GPC3: variants seen among roughly 807,000 people sequenced by gnomAD.
GPC3 encodes the protein glypican-3.
Under a neutral mutation model 34.4 loss-of-function variants are expected in GPC3, and 3 were observed. The ratio of observed to expected loss-of-function variants is 0.09; its 90% CI spans 0.04 to 0.23. The LOEUF is 0.23. Among genes scored for constraint, GPC3 ranks in the 10% least tolerant of loss-of-function variants. The pLI, the probability that GPC3 is intolerant of heterozygous loss-of-function variation, is 1.00. For missense variants in GPC3, 351 were observed against 445.6 expected, an observed-to-expected ratio of 0.79 and a Z score of 1.91; for synonymous variants, 177 against 174.0, an observed-to-expected ratio of 1.02 and a Z score of -0.13.
intron 5 of GPC3, chrX:133,671,376 C>G (rs997991449): frequency 7.2e-6 from 4 of 556,911 alleles, no homozygotes; most frequent in Non-Finnish European, 1.3e-5. Context: ...GGCAAAAAGT[C>G]GAAGAAGTAA....
Position 133,570,565 on chromosome X carries a change from G to A in GPC3, c.1573+25875C>T, listed in dbSNP as rs151035161. On this transcript the variant is annotated intron_variant, in intron 7 of 7. Coordinates refer to ENST00000370818, the MANE Select transcript of GPC3 (RefSeq NM_004484.4). ...AGATGAAATGGGCACATCTGTGGAC[G>A]ACTCATTCTAAGTTGAACAAAATAA... Among the ~76,000 whole-genome samples, 1,009 of 112,372 alleles carry A rather than the reference G, an allele frequency of 9.0e-3. 15 individuals are homozygous for A. The highest frequency in any genetic ancestry group is 0.029 in the African/African-American group (913 of 30,957).
chrX:133,918,321 T>A (rs1277121442), intron 2 of GPC3, among the ~76,000 whole-genome samples: 1 of 112,283 alleles, frequency 8.9e-6, no homozygotes, highest in East Asian at 2.8e-4. Context: ...TGGTAAAAAG[T>A]CATACGTGAC....
chrX:133,746,729 A>T (rs1257062758), intron 3 of GPC3, among the ~76,000 whole-genome samples: 2 of 112,456 alleles, frequency 1.8e-5, no homozygotes, highest in Non-Finnish European at 3.8e-5. Flanking sequence ...CTAATTAGGT[A>T]GTGAGCCATT....
chrX:133,804,168 T>C (rs938884736), intron 2 of GPC3, among the ~76,000 whole-genome samples: 2 of 111,693 alleles, frequency 1.8e-5, no homozygotes, highest in Non-Finnish European at 3.8e-5. Flanking sequence ...TACCCTCTTT[T>C]GAAAGAACAG....
chrX:133,615,210 C>G (rs2070148571), intron 6 of GPC3, among the ~76,000 whole-genome samples: 1 of 111,275 alleles, frequency 9.0e-6, no homozygotes, highest in Non-Finnish European at 1.9e-5. Flanking sequence ...CAGTGCTACC[C>G]TAACACTAAA....
At chrX:133,779,765 C>T (rs1468484926) in intron 2 of GPC3, among the ~76,000 whole-genome samples, 1 of 110,105 alleles carries the variant, frequency 9.1e-6, no homozygotes, top group African/African-American at 3.3e-5. Flanking sequence ...GAAGGTGGGT[C>T]ATATCCATCA....
intron 2 of GPC3, among the ~76,000 whole-genome samples, chrX:133,814,629 G>A (rs1452852075): frequency 2.7e-5 from 3 of 110,718 alleles, no homozygotes; most frequent in African/African-American, 9.9e-5. Context: ...GTGCAATGGC[G>A]TGATCTCGGC....
At chrX:133,591,782 G>A (rs1373413578) in intron 7 of GPC3, among the ~76,000 whole-genome samples, 1 of 111,699 alleles carries the variant, frequency 9.0e-6, no homozygotes, top group Non-Finnish European at 1.9e-5. Context: ...GCAGTGCCTT[G>A]AAATGGATAA....
intron 2 of GPC3, among the ~76,000 whole-genome samples, chrX:133,947,260 A>T: frequency 9.0e-6 from 1 of 111,279 alleles, no homozygotes; most frequent in Non-Finnish European, 1.9e-5. Context: ...TGATGATGAC[A>T]GCAAGAGGAG....
At chrX:133,540,978 T>C (rs928374375) in intron 7 of GPC3, among the ~76,000 whole-genome samples, 1 of 80,806 alleles carries the variant, frequency 1.2e-5, no homozygotes, top group African/African-American at 4.7e-5. Context: ...GGGGAAGAGG[T>C]GGTGGGAGAT....
chrX:133,800,554 CTGTT>C (rs2075604280), intron 2 of GPC3, among the ~76,000 whole-genome samples: 1 of 111,966 alleles, frequency 8.9e-6, no homozygotes, highest in Admixed American at 9.5e-5. Context: ...TCAATCTAGT[CTGTT>C]TGGGCTCATT....
At chrX:133,974,699 C>T (rs755833766) in intron 1 of GPC3, among the ~76,000 whole-genome samples, 1 of 111,050 alleles carries the variant, frequency 9.0e-6, no homozygotes, top group Non-Finnish European at 1.9e-5. Flanking sequence ...CTGATGAGTC[C>T]CAACTATGTG....
intron 2 of GPC3, among the ~76,000 whole-genome samples, chrX:133,881,893 T>G (rs752993702): frequency 8.9e-6 from 1 of 112,423 alleles, no homozygotes; most frequent in African/African-American, 3.2e-5. Flanking sequence ...GATCTGCTGG[T>G]TTTCAATATA....
chrX:133,907,574 A>G (rs1479181456), intron 2 of GPC3, among the ~76,000 whole-genome samples: 4 of 112,176 alleles, frequency 3.6e-5, no homozygotes, highest in Admixed American at 1.9e-4. Context: ...ACACAGTTAT[A>G]TCATACTATA....
intron 2 of GPC3, among the ~76,000 whole-genome samples, chrX:133,782,481 A>T (rs763482552): frequency 9.0e-6 from 1 of 111,639 alleles, no homozygotes; most frequent in Non-Finnish European, 1.9e-5. Context: ...TAACTCAAAG[A>T]AGCACTCACC....
chrX:133,924,545 C>T (rs1213725793), intron 2 of GPC3, among the ~76,000 whole-genome samples: 2 of 111,753 alleles, frequency 1.8e-5, no homozygotes, highest in Admixed American at 9.5e-5. Context: ...ATCAATCTGA[C>T]TTGAAATCGC....
chrX:133,810,672 G>A (rs1160135438), intron 2 of GPC3, among the ~76,000 whole-genome samples: 1 of 109,153 alleles, frequency 9.2e-6, no homozygotes. Flanking sequence ...TTGGGAGGCC[G>A]AGGCGGGTGG....
chrX:133,584,577 C>A (rs2069766481), intron 7 of GPC3, among the ~76,000 whole-genome samples: 1 of 112,142 alleles, frequency 8.9e-6, no homozygotes, highest in African/African-American at 3.2e-5. Flanking sequence ...CTTCCAGGTT[C>A]AAGCGATTCT....
At chrX:133,599,175 C>G (rs767600665) in intron 6 of GPC3, among the ~76,000 whole-genome samples, 1 of 112,113 alleles carries the variant, frequency 8.9e-6, no homozygotes, top group South Asian at 3.7e-4. Context: ...CTCACAAGTG[C>G]TTTTTCTTGA....
Sources: allele counts gnomAD v4.1 joint callset (sites outside exome capture counted in the v4.1 genomes callset), GRCh38; gene constraint gnomAD v4.1.1; transcripts MANE v1.5; gene names NCBI Gene and HGNC (gene_info 2026-07-23, HGNC 2026-07-21).